MRPL45: variants seen among roughly 807,000 people sequenced by gnomAD.
The protein encoded by MRPL45 is mitochondrial ribosomal protein L45, also known as large ribosomal subunit protein mL45.
Under a neutral mutation model 38.1 loss-of-function variants are expected in MRPL45, and 20 were observed. The ratio of observed to expected loss-of-function variants is 0.53; its 90% CI spans 0.37 to 0.76. MRPL45 has a LOEUF of 0.76. MRPL45 is among the 30% of genes least tolerant of loss of function. The probability of loss-of-function intolerance (pLI) is 0.00; values close to 1 mark genes in which losing one functional copy is unlikely to be tolerated. For missense variants in MRPL45, 337 were observed against 395.6 expected (o/e 0.85, Z 1.26); for synonymous variants, 105 against 128.8 (o/e 0.82, Z 1.25).
intron 3 of MRPL45, among the ~76,000 whole-genome samples, chr17:38,299,873 A>G (rs966193257): frequency 2.0e-5 from 3 of 147,138 alleles, no homozygotes; most frequent in African/African-American, 7.7e-5. Context: ...AGTAGCTGGG[A>G]TTACAGGCAT....
chr17:38,306,506 A>C, intron 3 of MRPL45, 27 bp from the exon 4 acceptor site: 1 of 1,558,008 alleles, frequency 6.4e-7, no homozygotes, highest in South Asian at 1.2e-5. Flanking sequence ...AGACCTTTAG[A>C]AGTAATACTC....
chr17:38,316,900 C>T (rs1313926059), intron 4 of MRPL45, among the ~76,000 whole-genome samples: 1 of 151,898 alleles, frequency 6.6e-6, no homozygotes, highest in Non-Finnish European at 1.5e-5. Context: ...CAGGTTCAAG[C>T]GATTCTCCTG....
chr17:38,305,401 A>G (rs1280767095), intron 3 of MRPL45, among the ~76,000 whole-genome samples: 1 of 138,814 alleles, frequency 7.2e-6, no homozygotes, highest in African/African-American at 2.6e-5. Flanking sequence ...CAGGAGGCAG[A>G]GGTTGCAGTG....
intron 3 of MRPL45, among the ~76,000 whole-genome samples, chr17:38,303,126 A>G (rs1344042385): frequency 2.6e-5 from 4 of 152,084 alleles, no homozygotes; most frequent in East Asian, 3.9e-4. Context: ...TATTGTTATA[A>G]CTTGGAAAAT....
chr17:38,309,098 G>C (rs536906623), intron 4 of MRPL45, among the ~76,000 whole-genome samples: 1 of 150,290 alleles, frequency 6.7e-6, no homozygotes, highest in South Asian at 2.1e-4. Flanking sequence ...GTAGAGACAG[G>C]GTTTCACCAT....
chr17:38,306,845 G>T (rs2037060513), intron 4 of MRPL45, among the ~76,000 whole-genome samples: 1 of 152,064 alleles, frequency 6.6e-6, no homozygotes, highest in Admixed American at 6.6e-5. Flanking sequence ...TCTACCATTT[G>T]GTCTGTCTCA....
chr17:38,318,763 G>A (rs780748045), intron 5 of MRPL45, 28 bp downstream of exon 5: 52 of 1,544,152 alleles, frequency 3.4e-5, no homozygotes, highest in Non-Finnish European at 4.0e-5. Flanking sequence ...TTAGAACTGT[G>A]GGGTGACTGA....
intron 5 of MRPL45, among the ~76,000 whole-genome samples, chr17:38,319,411 C>T (rs1442671973): frequency 1.3e-5 from 2 of 152,010 alleles, no homozygotes; most frequent in Non-Finnish European, 2.9e-5. Flanking sequence ...TCAGGTGATC[C>T]GCCCGCCTCG....
At chr17:38,309,697 A>T (rs367998760) in intron 4 of MRPL45, among the ~76,000 whole-genome samples, 1 of 151,636 alleles carries the variant, frequency 6.6e-6, no homozygotes, top group African/African-American at 2.4e-5. Flanking sequence ...GGCTTCAAGC[A>T]ATCCTTCCAC....
At chr17:38,311,213 A>G (rs2037108538) in intron 4 of MRPL45, among the ~76,000 whole-genome samples, 1 of 151,922 alleles carries the variant, frequency 6.6e-6, no homozygotes. Context: ...CCTCCATTCT[A>G]CTTTATTTCT....
intron 4 of MRPL45, among the ~76,000 whole-genome samples, chr17:38,309,942 A>G (rs560221453): frequency 2.6e-5 from 4 of 152,086 alleles, no homozygotes; most frequent in African/African-American, 7.2e-5. Context: ...TGTGTGCCAA[A>G]TGTGTCTTCA....
At chr17:38,318,300 G>A (rs1170441992) in intron 4 of MRPL45, among the ~76,000 whole-genome samples, 1 of 149,142 alleles carries the variant, frequency 6.7e-6, no homozygotes, top group Admixed American at 6.7e-5. Context: ...GCTTTTGATT[G>A]TTACTTGTGT....
chr17:38,316,298 C>G (rs1056994851), intron 4 of MRPL45, among the ~76,000 whole-genome samples: 5 of 152,104 alleles, frequency 3.3e-5, no homozygotes, highest in Admixed American at 1.3e-4. Flanking sequence ...TTGAACCCCT[C>G]TAGTGAATTT....
intron 7 of MRPL45, 73 bp from the exon 8 acceptor site, chr17:38,322,436 G>GA: frequency 9.6e-7 from 1 of 1,037,728 alleles, no homozygotes. Flanking sequence ...GGGTGGGTGG[G>GA]AGCAAGGGAT....
At position 38,322,550 on chromosome 17, in the gene MRPL45, A is replaced by C. The variant is rs142587309; in HGVS notation, c.876A>C (p.Glu292Asp). The change falls in exon 8 of 8, where the codon GAA becomes GAC. Residue 292 changes from glutamate (E) to aspartate (D), a missense_variant. Glu to Asp is a conservative substitution (Grantham distance 45). This residue lies in a region of MRPL45 where 251 missense variants were observed against 269.1 expected (regional missense o/e 0.93). Transcript: ENST00000613675. ...GCCCTCAGCTGAAACCAGAAGAAGA[A>C]TATGAAGAGGCACAAGGAGAGGCCC... ...IPGPQLKPEE[E>D]YEEAQGEAQK... 9 of 1,613,694 alleles carry C rather than the reference A, an allele frequency of 5.6e-6. No individual in the cohort carries two copies. The highest frequency in any genetic ancestry group is 1.7e-4 in the Middle Eastern group (1 of 5,824).
intron 4 of MRPL45, among the ~76,000 whole-genome samples, chr17:38,310,725 A>G (rs2144221038): frequency 6.6e-6 from 1 of 152,230 alleles, no homozygotes; most frequent in South Asian, 2.1e-4. Flanking sequence ...TCCCAAGCTC[A>G]AGTGATCCTC....
At chr17:38,314,776 C>T (rs2037157813) in intron 4 of MRPL45, among the ~76,000 whole-genome samples, 1 of 152,236 alleles carries the variant, frequency 6.6e-6, no homozygotes, top group African/African-American at 2.4e-5. Flanking sequence ...AGATGATCCA[C>T]CCGCCTTGAC....
At chr17:38,299,733 A>G (rs2144199153) in intron 3 of MRPL45, among the ~76,000 whole-genome samples, 1 of 151,170 alleles carries the variant, frequency 6.6e-6, no homozygotes, top group South Asian at 2.1e-4. Flanking sequence ...TTTTAATCAT[A>G]TATTTAATTT....
In MRPL45 at chr17:38,318,994, ATTTTTTATTTATTTAT is replaced by A. The variant is rs1222242403; in HGVS notation, c.510+262_510+277del. ...AGGCATGCGCCACCATGCCCAGCTAATTTTTTATTTATTTATTTATTTATTTATTTATTTATTTATT... is the reference window on the plus strand; with the variant it reads ...AGGCATGCGCCACCATGCCCAGCTAATTATTTATTTATTTATTTATTTATT... On this transcript the variant is annotated intron_variant, in intron 5 of 7. Transcript: ENST00000613675. 6.7e-3 allele frequency among the ~76,000 whole-genome samples: 937 copies of A among 140,132 alleles called. 12 individuals carry two copies. Among genetic ancestry groups the A allele is most frequent in the African/African-American group, 0.022 (848 of 37,774 alleles). The allele number at this position is 140,132 out of a possible 152,430, so 91.9% of individuals were successfully genotyped here. A position where few individuals can be genotyped will look rare whatever the true frequency, so the allele number is the denominator to read the frequency against.
Sources: gnomAD v4.1 joint callset for allele counts (sites outside exome capture counted in the v4.1 genomes callset) on GRCh38, gnomAD v4.1.1 for gene constraint, gnomAD v4.1.1 regional missense constraint, MANE v1.5 for transcripts, NCBI Gene and HGNC (gene_info 2026-07-23, HGNC 2026-07-21) for gene names.